The following NPR3 variants were observed in gnomAD, a reference collection of about 807,000 sequenced individuals.
NPR3 encodes the protein natriuretic peptide receptor 3.
Under a neutral mutation model 54.5 loss-of-function variants are expected in NPR3, and 34 were observed. That is an observed-to-expected ratio of 0.62 (90% CI 0.47 to 0.83). NPR3 has a LOEUF of 0.83. Among genes scored for constraint, NPR3 ranks in the 40% least tolerant of loss-of-function variants. The pLI is 0.00. For missense variants in NPR3, 674 were observed against 720.8 expected (o/e 0.94, Z 0.74); for synonymous variants, 289 against 297.1 (o/e 0.97, Z 0.28).
At chr5:32,734,849 C>T (rs1428134472) in intron 2 of NPR3, among the ~76,000 whole-genome samples, 1 of 152,186 alleles carries the variant, frequency 6.6e-6, no homozygotes, top group East Asian at 1.9e-4. Context: ...TGAGACAGCA[C>T]CGCTCTAGAG....
chr5:32,724,910 T>C lies in NPR3; in HGVS notation c.892+90T>C, dbSNP rs775724195. On this transcript the variant is annotated intron_variant, in intron 2 of 7. Coordinates refer to ENST00000265074, the MANE Select transcript of NPR3 (RefSeq NM_001204375.2). ...AATGGTGGGTTGGATAAATAATATG[T>C]GGTACATAAACACCATGGAATACTA... 4 of 1,419,636 alleles carry C rather than the reference T, an allele frequency of 2.8e-6. No individual in the cohort carries two copies. The East Asian group carries it at 9.1e-5, about 32-fold the overall frequency. The allele number at this position is 1,419,636 out of a possible 1,614,324, so 87.9% of individuals were successfully genotyped here.
chr5:32,779,255 A>G (rs1388636414), intron 4 of NPR3, among the ~76,000 whole-genome samples: 1 of 152,200 alleles, frequency 6.6e-6, no homozygotes, highest in Non-Finnish European at 1.5e-5. Context: ...GAACCAAATC[A>G]ATAGAAATGC....
chr5:32,749,946 A>G (rs183090214), intron 3 of NPR3, among the ~76,000 whole-genome samples: 10 of 152,322 alleles, frequency 6.6e-5, no homozygotes, highest in Admixed American at 5.2e-4. Context: ...AGCTCCTTAT[A>G]CAGACTTTCA....
chr5:32,751,554 TTG>T (rs1392444840), intron 3 of NPR3, among the ~76,000 whole-genome samples: 1 of 152,216 alleles, frequency 6.6e-6, no homozygotes, highest in Non-Finnish European at 1.5e-5. Context: ...CCTTGGATAT[TTG>T]CTCGTTTGAG....
At chr5:32,710,858 GGTT>G, upstream of NPR3, 1 of 1,047,800 alleles carries the variant, frequency 9.5e-7, no homozygotes, top group African/African-American at 2.9e-5. Flanking sequence ...CCCCAGTCCT[GGTT>G]TTTTTTTTTT....
chr5:32,789,325 G>A lies in NPR3; in HGVS notation c.*2980G>A, dbSNP rs752727126. 2.1e-5 allele frequency: 9 copies of A among 435,878 alleles called. No homozygotes were observed. The highest frequency in any genetic ancestry group is 5.7e-5 in the South Asian group (3 of 52,664). The allele number at this position is 435,878 out of a possible 1,614,324, so 27.0% of individuals were successfully genotyped here. A position where few individuals can be genotyped will look rare whatever the true frequency, so the allele number is the denominator to read the frequency against. On this transcript the variant is annotated 3_prime_UTR_variant, in exon 8 of 8. Transcript: ENST00000265074. ...TAGGGGGAGACTCAGAAATAAAAGC[G>A]TTCCCCAGATAACTTCAATCTGGAA...
In NPR3 at chr5:32,784,834, G is replaced by A. The variant is rs542365419; in HGVS notation, c.1465G>A (p.Val489Met). Residue 489 changes from valine to methionine, a missense_variant, in exon 7 of 8, where the codon GTG becomes ATG. Physicochemically the swap from Val to Met is conservative, Grantham distance 21. Transcript: ENST00000265074. ...LEESAVTGIV[V>M]GALLGAGLLM... ...AGAATCGGCAGTGACAGGAATTGTC[G>A]TGGGGGCTTTACTAGGAGCTGGCTT... The A allele has an allele frequency of 1.5e-5, 25 of 1,613,778 alleles. No individual in the cohort carries two copies. The South Asian group carries it at 1.9e-4, about 12-fold the overall frequency.
chr5:32,757,566 T>C (rs1045836724), intron 3 of NPR3, among the ~76,000 whole-genome samples: 1 of 152,232 alleles, frequency 6.6e-6, no homozygotes, highest in African/African-American at 2.4e-5. Context: ...TTTGACTTCC[T>C]CTTTTCCTAA....
At chr5:32,710,435 T>G, upstream of NPR3, 1 of 354,402 alleles carries the variant, frequency 2.8e-6, no homozygotes, top group East Asian at 5.2e-5. Flanking sequence ...TTTCCAAGCT[T>G]TGTGACACCT....
chr5:32,762,770 AT>A (rs1211191828), intron 3 of NPR3, among the ~76,000 whole-genome samples: 2 of 152,086 alleles, frequency 1.3e-5, no homozygotes, highest in African/African-American at 4.8e-5. Flanking sequence ...TTTTTCTCCC[AT>A]TCTGTAGGTT....
chr5:32,726,609 G>A (rs1482023741), intron 2 of NPR3, among the ~76,000 whole-genome samples: 1 of 152,174 alleles, frequency 6.6e-6, no homozygotes, highest in Non-Finnish European at 1.5e-5. Context: ...GAGTTTAGAG[G>A]CAGTGCATGT....
upstream of NPR3, among the ~76,000 whole-genome samples, chr5:32,708,193 C>CGTTGTTG (rs1302996467): frequency 6.6e-6 from 1 of 152,004 alleles, no homozygotes; most frequent in Non-Finnish European, 1.5e-5. Context: ...TTTCATTCAA[C>CGTTGTTG]AACTGAAGCC....
At chr5:32,734,549 G>A (rs781451921) in intron 2 of NPR3, among the ~76,000 whole-genome samples, 20 of 152,154 alleles carry the variant, frequency 1.3e-4, no homozygotes, top group African/African-American at 2.2e-4. Context: ...GTTCAATACA[G>A]CATTAGAATC....
At chr5:32,719,480 C>T (rs1337860916) in intron 1 of NPR3, among the ~76,000 whole-genome samples, 3 of 152,098 alleles carry the variant, frequency 2.0e-5, no homozygotes, top group African/African-American at 4.8e-5. Context: ...GCTTTACTGT[C>T]TTCTAAATTC....
rs1210319397 is a variant in NPR3 at position 32,790,653 on chromosome 5, A to G, written c.*4308A>G. The G allele has an allele frequency of 6.0e-6, 1 of 166,588 alleles. No homozygotes were observed. The highest frequency in any genetic ancestry group is 2.4e-5 in the African/African-American group (1 of 41,474). The allele number at this position is 166,588 out of a possible 1,614,324, so 10.3% of individuals were successfully genotyped here. A position where few individuals can be genotyped will look rare whatever the true frequency, so the allele number is the denominator to read the frequency against. Reference sequence around the variant, plus strand: ...CCCACAGCTAGACTGCAGGATTAAAATAACTTCCAAAAGGTGCTGGATTGG... The same window carrying G: ...CCCACAGCTAGACTGCAGGATTAAAGTAACTTCCAAAAGGTGCTGGATTGG... On this transcript the variant is annotated 3_prime_UTR_variant, in exon 8 of 8. Transcript: ENST00000265074.
At chr5:32,697,383 A>G (rs1561066008) in intron 1 of NPR3, among the ~76,000 whole-genome samples, 1 of 150,972 alleles carries the variant, frequency 6.6e-6, no homozygotes, top group Non-Finnish European at 1.5e-5. Flanking sequence ...TTGGTTTGCT[A>G]TTCTTATATT....
chr5:32,718,916 T>C (rs1738703905), intron 1 of NPR3, among the ~76,000 whole-genome samples: 1 of 152,230 alleles, frequency 6.6e-6, no homozygotes, highest in Admixed American at 6.5e-5. Context: ...AGGGCATCCT[T>C]GTCTTGTGCC....
chr5:32,740,097 C>A (rs889905684), intron 3 of NPR3, among the ~76,000 whole-genome samples: 17 of 152,146 alleles, frequency 1.1e-4, no homozygotes, highest in Non-Finnish European at 2.5e-4. Context: ...AGTCTCTGCC[C>A]AAGTTGGATA....
At chr5:32,719,895 G>A (rs564747151) in intron 1 of NPR3, among the ~76,000 whole-genome samples, 3 of 151,250 alleles carry the variant, frequency 2.0e-5, no homozygotes, top group Admixed American at 6.6e-5. Flanking sequence ...TGCAGGACAT[G>A]GCATACTCTG....
Sources: gnomAD v4.1 joint callset for allele counts (sites outside exome capture counted in the v4.1 genomes callset) on GRCh38, gnomAD v4.1.1 for gene constraint, MANE v1.5 for transcripts, NCBI Gene and HGNC (gene_info 2026-07-23, HGNC 2026-07-21) for gene names.